CREB3L2: variants seen among roughly 807,000 people sequenced by gnomAD.
The protein encoded by CREB3L2 is cyclic AMP-responsive element-binding protein 3-like protein 2.
A neutral mutation model predicts 57.2 loss-of-function variants in CREB3L2; 23 were observed. The observed-to-expected ratio is 0.40, with a 90% CI of 0.29 to 0.57. The LOEUF is 0.57. CREB3L2 is among the 20% of genes least tolerant of loss of function. The pLI, the probability that CREB3L2 is intolerant of heterozygous loss-of-function variation, is 0.42. For missense variants in CREB3L2, 628 were observed against 634.7 expected, an observed-to-expected ratio of 0.99 and a Z score of 0.11; for synonymous variants, 268 against 265.1, an observed-to-expected ratio of 1.01 and a Z score of -0.11.
chr7:137,967,923 G>A (rs894664945), intron 1 of CREB3L2, among the ~76,000 whole-genome samples: 1 of 152,182 alleles, frequency 6.6e-6, no homozygotes, highest in African/African-American at 2.4e-5. Flanking sequence ...CGTGTGCCAG[G>A]ATCTCTGCTT....
In CREB3L2 at chr7:137,915,992, A is replaced by G. The variant is rs777894272; in HGVS notation, c.340T>C (p.Trp114Arg). 3.7e-6 allele frequency: 6 copies of G among 1,612,894 alleles called. No homozygotes were observed. The highest frequency in any genetic ancestry group is 2.2e-5 in the East Asian group (1 of 44,756). The change falls in exon 3 of 12, where the codon TGG (tryptophan) becomes CGG (arginine). Residue 114 changes from tryptophan to arginine, a missense_variant. Coordinates refer to ENST00000330387, the MANE Select transcript of CREB3L2 (RefSeq NM_194071.4). ...GAAGGGAAGTCTGTAGACAGGTACC[A>G]TTTCTCACTTTCCACCTCATCTGCA... The part of the protein sequence containing the change: ...FNDDEVESEK[W>R]YLSTDFPSTS...
intron 6 of CREB3L2, 67 bp downstream of exon 6, chr7:137,905,634 AG>A: frequency 6.5e-7 from 1 of 1,538,122 alleles, no homozygotes; most frequent in East Asian, 2.2e-5. Flanking sequence ...TTGGGAAGGC[AG>A]GGAAAGGGAT....
At chr7:137,903,391 C>A (rs1474927076) in intron 7 of CREB3L2, among the ~76,000 whole-genome samples, 1 of 152,010 alleles carries the variant, frequency 6.6e-6, no homozygotes, top group Non-Finnish European at 1.5e-5. Flanking sequence ...ACTTCCAGGG[C>A]TAAGACAAAA....
At chr7:137,927,426 G>A (rs1800497600) in intron 2 of CREB3L2, among the ~76,000 whole-genome samples, 1 of 148,552 alleles carries the variant, frequency 6.7e-6, no homozygotes, top group Admixed American at 6.7e-5. Flanking sequence ...GGGAAGCAAG[G>A]GAGGGAGGGG....
Position 138,001,715 on chromosome 7 carries a change from G to C in CREB3L2, c.-10C>G, listed in dbSNP as rs1802081159. The C allele has an allele frequency of 6.3e-7, 1 of 1,596,442 alleles. No individual in the cohort carries two copies. Among genetic ancestry groups the C allele is most frequent in the Non-Finnish European group, 8.5e-7 (1 of 1,172,986 alleles). ...TCTCCAGCACCTCCATGGCGGTGCG[G>C]GCCGCGCTGGGCCGAGGATGCTAAG... On this transcript the variant is annotated 5_prime_UTR_variant, in exon 1 of 12. Coordinates refer to ENST00000330387, the MANE Select transcript of CREB3L2 (RefSeq NM_194071.4). The surrounding 1 kb of genome is among the most constrained non-coding windows in gnomAD (Gnocchi z 4.2).
rs537799059 is a variant in CREB3L2 at position 137,883,370 on chromosome 7, T to C, written c.1271-742A>G. ...AATCCAGTACAGTAGTCCTCCCTTA[T>C]CCATGGGGAATACATTTCAAGACCC... On this transcript the variant is annotated intron_variant, in intron 10 of 11. Coordinates refer to ENST00000330387, the MANE Select transcript of CREB3L2 (RefSeq NM_194071.4). Among the ~76,000 whole-genome samples the C allele has an allele frequency of 1.3e-3, 203 of 152,234 alleles. 1 individual carries two copies. Among genetic ancestry groups the C allele is most frequent in the African/African-American group, 4.6e-3 (190 of 41,542 alleles).
intron 10 of CREB3L2, among the ~76,000 whole-genome samples, chr7:137,884,048 C>T (rs998170875): frequency 3.9e-5 from 6 of 152,156 alleles, no homozygotes; most frequent in Non-Finnish European, 8.8e-5. Context: ...CTCTGCCGCC[C>T]AGGCTGGGGT....
intron 10 of CREB3L2, among the ~76,000 whole-genome samples, chr7:137,883,921 G>A (rs934933229): frequency 6.6e-6 from 1 of 152,188 alleles, no homozygotes; most frequent in African/African-American, 2.4e-5. Flanking sequence ...ATTTCTAGGT[G>A]AGAACACCAT....
At chr7:137,975,622 A>G (rs1026803040) in intron 1 of CREB3L2, among the ~76,000 whole-genome samples, 2 of 152,208 alleles carry the variant, frequency 1.3e-5, no homozygotes, top group Non-Finnish European at 2.9e-5. Flanking sequence ...AAACACAAGT[A>G]GCACACGGCA....
intron 1 of CREB3L2, among the ~76,000 whole-genome samples, chr7:137,959,226 GAAGTAAAGTAT>G (rs747635310): frequency 2.6e-5 from 4 of 152,234 alleles, no homozygotes; most frequent in Non-Finnish European, 4.4e-5. Context: ...CCAACACAAT[GAAGTAAAGTAT>G]AACTGTCCAA....
intron 8 of CREB3L2, among the ~76,000 whole-genome samples, chr7:137,892,480 G>A (rs1226731695): frequency 6.6e-6 from 1 of 151,906 alleles, no homozygotes; most frequent in Non-Finnish European, 1.5e-5. Context: ...GCAAAACCCT[G>A]TCTCTACTAA....
At chr7:137,922,410 A>ACG (rs1425978753) in intron 2 of CREB3L2, among the ~76,000 whole-genome samples, 1 of 25,876 alleles carries the variant, frequency 3.9e-5, no homozygotes, top group Admixed American at 5.6e-4. Context: ...ATATATATAT[A>ACG]TATATGTATA....
intron 2 of CREB3L2, among the ~76,000 whole-genome samples, chr7:137,917,680 T>G (rs752552059): frequency 6.6e-6 from 1 of 152,194 alleles, no homozygotes; most frequent in Non-Finnish European, 1.5e-5. Flanking sequence ...TAAAATTATG[T>G]TTCATAAGTG....
chr7:137,991,876 C>T (rs570257551), intron 1 of CREB3L2, among the ~76,000 whole-genome samples: 256 of 150,738 alleles, frequency 1.7e-3, no homozygotes, highest in African/African-American at 5.9e-3. Flanking sequence ...CCATTGCACT[C>T]CAGCCTGGGC....
At chr7:137,971,224 G>C (rs1224558937) in intron 1 of CREB3L2, among the ~76,000 whole-genome samples, 1 of 152,146 alleles carries the variant, frequency 6.6e-6, no homozygotes, top group Non-Finnish European at 1.5e-5. Flanking sequence ...GCCAAGAAGG[G>C]CGGATCACGA....
chr7:137,918,087 T>C (rs1470899127), intron 2 of CREB3L2, among the ~76,000 whole-genome samples: 1 of 152,156 alleles, frequency 6.6e-6, no homozygotes, highest in African/African-American at 2.4e-5. Context: ...TAGAAGACAA[T>C]GTCCGCTGCA....
At chr7:137,938,047 C>T (rs1304744819) in intron 1 of CREB3L2, among the ~76,000 whole-genome samples, 2 of 152,064 alleles carry the variant, frequency 1.3e-5, no homozygotes, top group Non-Finnish European at 2.9e-5. Context: ...AGGTGGACCA[C>T]AGATGATTTT....
intron 2 of CREB3L2, among the ~76,000 whole-genome samples, chr7:137,921,419 CA>C (rs1165227172): frequency 6.6e-6 from 1 of 152,098 alleles, no homozygotes; most frequent in African/African-American, 2.4e-5. Context: ...CCTTTACATC[CA>C]AAGACAAAAT....
chr7:137,958,491 C>T (rs113359181), intron 1 of CREB3L2, among the ~76,000 whole-genome samples: 2 of 151,988 alleles, frequency 1.3e-5, no homozygotes, highest in African/African-American at 4.8e-5. Context: ...ATAGTGGAGA[C>T]CCTGCCTGTT....
Sources: gnomAD v4.1 joint callset for allele counts (sites outside exome capture counted in the v4.1 genomes callset) on GRCh38, gnomAD v4.1.1 for gene constraint, Gnocchi (gnomAD v3.1) non-coding constraint, MANE v1.5 for transcripts, NCBI Gene and HGNC (gene_info 2026-07-23, HGNC 2026-07-21) for gene names.